Variants in GPR158 observed in about 807,000 individuals in gnomAD.
The protein encoded by GPR158 is metabotropic glycine receptor.
In GPR158, 30 loss-of-function variants were observed where a neutral mutation model predicts 78.2. That is an observed-to-expected ratio of 0.38 (90% CI 0.29 to 0.52). The LOEUF is 0.52. Among genes scored for constraint, GPR158 ranks in the 20% least tolerant of loss-of-function variants. The pLI, the probability that GPR158 is intolerant of heterozygous loss-of-function variation, is 0.83. For synonymous variants in GPR158, 581 were observed against 591.1 expected (o/e 0.98, Z 0.25); for missense variants, 1,463 against 1,523.5 (o/e 0.96, Z 0.66).
chr10:25,427,561 G>T (rs1385416384), intron 4 of GPR158, among the ~76,000 whole-genome samples: 1 of 151,922 alleles, frequency 6.6e-6, no homozygotes, highest in Non-Finnish European at 1.5e-5. Flanking sequence ...GGTTGTTATT[G>T]CTAATATAGG....
chr10:25,385,077 A>C (rs1441898157), intron 2 of GPR158, among the ~76,000 whole-genome samples: 2 of 152,132 alleles, frequency 1.3e-5, no homozygotes, highest in Non-Finnish European at 2.9e-5. Flanking sequence ...AAAATTTTTC[A>C]TGTTGCAAAA....
intron 2 of GPR158, among the ~76,000 whole-genome samples, chr10:25,378,204 A>G (rs1332538138): frequency 6.6e-6 from 1 of 152,176 alleles, no homozygotes. Flanking sequence ...TACGAGCAAA[A>G]TTCAATTTTG....
At chr10:25,393,809 G>C (rs2130525816) in intron 2 of GPR158, 1 of 152,302 alleles carries the variant, frequency 6.6e-6, no homozygotes, top group East Asian at 1.9e-4. Context: ...CAATCAATGA[G>C]GTGGCAGATG....
intron 7 of GPR158, among the ~76,000 whole-genome samples, chr10:25,586,430 G>A (rs1206504083): frequency 8.2e-6 from 1 of 122,638 alleles, no homozygotes; most frequent in African/African-American, 3.2e-5. Context: ...TTGAGGCAGA[G>A]TCTCACTCTG....
At chr10:25,393,691 G>A (rs1834332317) in intron 2 of GPR158, 1 of 152,120 alleles carries the variant, frequency 6.6e-6, no homozygotes, top group South Asian at 2.1e-4. Flanking sequence ...TATTTGGGAA[G>A]GTCATCCTCT....
chr10:25,458,183 A>G (rs1835316140), intron 4 of GPR158, among the ~76,000 whole-genome samples: 2 of 152,214 alleles, frequency 1.3e-5, no homozygotes, highest in African/African-American at 2.4e-5. Context: ...TGCTGTATGA[A>G]AAAATGGGCT....
At chr10:25,354,351 G>A (rs58185056) in intron 2 of GPR158, among the ~76,000 whole-genome samples, 14,729 of 145,712 alleles carry the variant, frequency 0.1, 1,808 homozygotes, top group African/African-American at 0.3. Context: ...GTGAAACTCA[G>A]TCTCAAAAAA....
At chr10:25,527,057 CATG>C (rs1836357730) in intron 5 of GPR158, among the ~76,000 whole-genome samples, 1 of 140,242 alleles carries the variant, frequency 7.1e-6, no homozygotes, top group African/African-American at 3.0e-5. Context: ...GACATGTTAT[CATG>C]ATGATAAAAC....
rs778079149 is a variant in GPR158 at position 25,176,334 on chromosome 10, C to CG, written c.902+18dup. The CG allele has an allele frequency of 1.3e-6, 2 of 1,549,258 alleles. No individual in the cohort carries two copies. Among genetic ancestry groups the CG allele is most frequent in the Non-Finnish European group, 8.7e-7 (1 of 1,146,544 alleles). The stretch of plus-strand genomic sequence containing the variant: ...GTCCCGGAATTCAGGTAGGGAGGGC[C>CG]GGGGGGCAGGGGGGAAGGCAAAAGC... On this transcript the variant is annotated intron_variant, in intron 1 of 10. Transcript: ENST00000376351. The surrounding 1 kb of genome is among the most constrained non-coding windows in gnomAD (Gnocchi z 6.3).
rs115910203 is a variant in GPR158 at position 25,218,203 on chromosome 10, C to T, written c.903-2849C>T. On this transcript the variant is annotated intron_variant, in intron 1 of 10. Transcript: ENST00000376351. ...CCAGGGTTTTGTAAGTCTCTGGGCG[C>T]CCAGGCTTAGGCTGTAATGAAGAAG... 8.0e-3 allele frequency among the ~76,000 whole-genome samples: 1,223 copies of T among 152,152 alleles called. 13 individuals are homozygous for T. The highest frequency in any genetic ancestry group is 0.028 in the African/African-American group (1,169 of 41,492).
intron 2 of GPR158, among the ~76,000 whole-genome samples, chr10:25,250,874 C>A (rs1394820681): frequency 6.6e-6 from 1 of 151,464 alleles, no homozygotes; most frequent in Admixed American, 6.6e-5. Flanking sequence ...TCCTTGTTGA[C>A]TTTCTGTCTC....
intron 2 of GPR158, among the ~76,000 whole-genome samples, chr10:25,225,809 T>C (rs2765711): frequency 0.079 from 11,982 of 152,202 alleles, 723 homozygotes; most frequent in East Asian, 0.26. Context: ...AATTCTTTAC[T>C]ACTACATTAG....
intron 7 of GPR158, among the ~76,000 whole-genome samples, chr10:25,588,540 T>C (rs1288659400): frequency 6.6e-6 from 1 of 152,242 alleles, no homozygotes; most frequent in East Asian, 1.9e-4. Context: ...GCTGGCAATG[T>C]TATCTTTACT....
intron 2 of GPR158, among the ~76,000 whole-genome samples, chr10:25,254,561 T>A (rs1853867278): frequency 6.6e-6 from 1 of 152,212 alleles, no homozygotes; most frequent in Non-Finnish European, 1.5e-5. Flanking sequence ...TGGGGATCAC[T>A]AAGTTATGAA....
At chr10:25,492,512 C>T (rs1346114132) in intron 5 of GPR158, among the ~76,000 whole-genome samples, 2 of 152,086 alleles carry the variant, frequency 1.3e-5, no homozygotes, top group Non-Finnish European at 2.9e-5. Context: ...CTTCCTACTG[C>T]ATTCATTTTC....
chr10:25,355,581 C>T (rs34977269), intron 2 of GPR158, among the ~76,000 whole-genome samples: 9,138 of 152,002 alleles, frequency 0.06, 618 homozygotes, highest in African/African-American at 0.17. Flanking sequence ...TGTGGATGTA[C>T]GTCTGTGACT....
chr10:25,396,426 C>G (rs571219522), intron 3 of GPR158, among the ~76,000 whole-genome samples: 67 of 152,234 alleles, frequency 4.4e-4, no homozygotes, highest in Middle Eastern at 3.4e-3. Context: ...AGCACAGATT[C>G]GTTATCATAC....
chr10:25,255,187 A>G (rs999357437), intron 2 of GPR158, among the ~76,000 whole-genome samples: 2 of 152,186 alleles, frequency 1.3e-5, no homozygotes, highest in African/African-American at 4.8e-5. Context: ...CCCAAATAGA[A>G]AACCTTGACA....
At chr10:25,270,401 A>G (rs1046006316) in intron 2 of GPR158, among the ~76,000 whole-genome samples, 2 of 152,128 alleles carry the variant, frequency 1.3e-5, no homozygotes, top group African/African-American at 4.8e-5. Flanking sequence ...TGTCTGTAAA[A>G]TAGAGTGAGA....
Sources: allele counts gnomAD v4.1 joint callset (sites outside exome capture counted in the v4.1 genomes callset), GRCh38; gene constraint gnomAD v4.1.1; non-coding constraint Gnocchi (gnomAD v3.1); transcripts MANE v1.5; gene names NCBI Gene and HGNC (gene_info 2026-07-23, HGNC 2026-07-21).